Variants in ATR observed in about 807,000 individuals in gnomAD.
ATR encodes serine/threonine-protein kinase ATR.
A neutral mutation model predicts 305.3 loss-of-function variants in ATR; 142 were observed. The observed-to-expected ratio is 0.47, with a 90% CI of 0.41 to 0.53. The LOEUF (loss-of-function observed/expected upper bound fraction) is 0.53, where lower values mean the gene tolerates loss of function less well. ATR is among the 20% of genes least tolerant of loss of function. The probability of loss-of-function intolerance (pLI) is 0.00; values close to 1 mark genes in which losing one functional copy is unlikely to be tolerated. For missense variants in ATR, 2,135 were observed against 3,133.1 expected (o/e 0.68, Z 7.60); for synonymous variants, 1,050 against 1,068.1 (o/e 0.98, Z 0.33).
chr3:142,540,198 A>C (rs2033999593), intron 18 of ATR, among the ~76,000 whole-genome samples: 1 of 152,312 alleles, frequency 6.6e-6, no homozygotes, highest in East Asian at 1.9e-4. Context: ...TAAAATCTTA[A>C]CAGCCTAAAA....
rs376314540 is a variant in ATR at position 142,496,365 on chromosome 3, G to A, written c.5894C>T (p.Ser1965Phe). Residue 1965 changes from serine to phenylalanine, a missense_variant, in exon 34 of 47, where the codon TCC (serine) becomes TTC (phenylalanine). This residue lies in a region of ATR where 462 missense variants were observed against 887.6 expected (regional missense o/e 0.52). Transcript: ENST00000350721. ...TGACATTTCCCTGGCCATTACCTTG[G>A]ACCAGAGCCACTTTGCCCTTTCCAC... The part of the protein sequence containing the change: ...LYVERAKWLW[S>F]KGDVHQALIV... 1.3e-6 allele frequency: 2 copies of A among 1,500,582 alleles called. No homozygotes were observed. Among genetic ancestry groups the A allele is most frequent in the African/African-American group, 3.3e-5 (2 of 60,356 alleles). The allele number at this position is 1,500,582 out of a possible 1,614,324, so 93.0% of individuals were successfully genotyped here.
intron 30 of ATR, 193 bp from the exon 31 acceptor site, chr3:142,499,911 A>G (rs372748145): frequency 9.7e-6 from 5 of 516,904 alleles, no homozygotes; most frequent in South Asian, 4.8e-5. Context: ...TCCTTCAAAA[A>G]TATTTTTTCA....
At chr3:142,452,563 A>T in intron 46 of ATR, 1 of 617,884 alleles carries the variant, frequency 1.6e-6, no homozygotes, top group Non-Finnish European at 2.0e-6. Context: ...AATCCCAGCT[A>T]CTTGGGAGGC....
intron 30 of ATR, among the ~76,000 whole-genome samples, chr3:142,502,377 A>G (rs966018906): frequency 1.3e-5 from 2 of 150,912 alleles, no homozygotes; most frequent in Admixed American, 1.3e-4. Flanking sequence ...ATGGAATACT[A>G]TGCAGCTATA....
intron 23 of ATR, among the ~76,000 whole-genome samples, chr3:142,520,910 C>G (rs1266934502): frequency 6.6e-6 from 1 of 152,128 alleles, no homozygotes. Context: ...CCAGGACTTT[C>G]ACAGCTAGAG....
At chr3:142,560,602 C>G in intron 5 of ATR, 148 bp from the exon 6 acceptor site, 1 of 631,474 alleles carries the variant, frequency 1.6e-6, no homozygotes, top group East Asian at 3.1e-5. Flanking sequence ...ACTCTGTCTC[C>G]CAGGCTGGAG....
rs1414653416 is a variant in ATR at position 142,547,768 on chromosome 3, T to A, written c.3314A>T (p.Asp1105Val). ...GATATCTCTCGGGCCCTGATATGGATCATCACTGGATGCAAATGAGGCAAG... is the reference window on the plus strand; with the variant it reads ...GATATCTCTCGGGCCCTGATATGGAACATCACTGGATGCAAATGAGGCAAG... Reference protein sequence around the residue: ...SILASFASSDDPYQGPRDIIS... With the variant: ...SILASFASSDVPYQGPRDIIS... Residue 1105 changes from aspartate to valine, a missense_variant, in exon 16 of 47, where the codon GAT (aspartate) becomes GTT (valine). Physicochemically the swap from Asp to Val is radical, Grantham distance 152 (BLOSUM62 -3). Transcript: ENST00000350721. 1 of 1,613,950 alleles carries A rather than the reference T, an allele frequency of 6.2e-7. No homozygotes were observed. The highest frequency in any genetic ancestry group is 8.5e-7 in the Non-Finnish European group (1 of 1,179,916).
intron 21 of ATR, among the ~76,000 whole-genome samples, chr3:142,528,053 A>T (rs1186150898): frequency 6.6e-6 from 1 of 152,198 alleles, no homozygotes; most frequent in Non-Finnish European, 1.5e-5. Context: ...GCTGTGAGAC[A>T]ATAAATTTCT....
At chr3:142,559,190 G>A (rs2108478919) in intron 7 of ATR, 61 bp downstream of exon 7, 1 of 1,548,348 alleles carries the variant, frequency 6.5e-7, no homozygotes, top group Non-Finnish European at 8.9e-7. Flanking sequence ...AAAAAAGAAA[G>A]CATATTTCTA....
In ATR at chr3:142,459,283, C is replaced by T. The variant is rs773858387; in HGVS notation, c.7293G>A (p.Arg2431=). Residue 2431 remains arginine, a synonymous_variant, in exon 43 of 47, where the codon AGG becomes AGA. Transcript: ENST00000350721. ...ACCACTCATGAAAAATAGGAGGATGCCTGGGCAGGAGAAATTCTCGGAATA... is the reference window on the plus strand; with the variant it reads ...ACCACTCATGAAAAATAGGAGGATGTCTGGGCAGGAGAAATTCTCGGAATA... ...LKVFREFLLP[R]HPPIFHEWFL... 6.2e-7 allele frequency: 1 copy of T among 1,613,732 alleles called. No individual in the cohort carries two copies. Among genetic ancestry groups the T allele is most frequent in the African/African-American group, 1.3e-5 (1 of 74,874 alleles).
rs1330936787 is a variant in ATR at position 142,555,858 on chromosome 3, A to G, written c.2341+19T>C. 1 of 1,599,496 alleles carries G rather than the reference A, an allele frequency of 6.3e-7. No homozygotes were observed. The highest frequency in any genetic ancestry group is 8.5e-7 in the Non-Finnish European group (1 of 1,173,926). The stretch of plus-strand genomic sequence containing the variant: ...GCTTAAATAGGTTTTAAAGTATTAA[A>G]TAAGTCATAATCACTCACCAAGTTT... On this transcript the variant is annotated intron_variant, in intron 10 of 46. Coordinates refer to ENST00000350721, the MANE Select transcript of ATR (RefSeq NM_001184.4).
chr3:142,462,147 TTA>T, intron 41 of ATR, 57 bp from the exon 42 acceptor site: 1 of 1,472,582 alleles, frequency 6.8e-7, no homozygotes, highest in Non-Finnish European at 9.4e-7. Context: ...TTTCTAAATG[TTA>T]TATCAAATAT....
chr3:142,522,973 A>T, intron 22 of ATR, 132 bp from the exon 23 acceptor site: 1 of 736,376 alleles, frequency 1.4e-6, no homozygotes, highest in South Asian at 1.6e-5. Context: ...AAAGACAGTG[A>T]GGTTCAAACT....
rs1559992171 is a variant in ATR at position 142,556,467 on chromosome 3, T to C, written c.1994A>G (p.Glu665Gly). ...VYNWALQSSH[E>G]VIRASCVSGF... Reference sequence around the variant, plus strand: ...ACTAACACAACTAGCCCGGATTACTTCATGGGAGCTCTGCAGGGCCCAGTT... The same window carrying C: ...ACTAACACAACTAGCCCGGATTACTCCATGGGAGCTCTGCAGGGCCCAGTT... The change falls in exon 9 of 47, where the codon GAA (glutamate) becomes GGA (glycine). Residue 665 changes from glutamate to glycine, a missense_variant. Coordinates refer to ENST00000350721, the MANE Select transcript of ATR (RefSeq NM_001184.4). The C allele has an allele frequency of 1.2e-6, 2 of 1,614,118 alleles. No individual in the cohort carries two copies. The highest frequency in any genetic ancestry group is 1.7e-6 in the Non-Finnish European group (2 of 1,179,970).
intron 27 of ATR, among the ~76,000 whole-genome samples, chr3:142,508,869 A>G (rs1376822576): frequency 6.8e-6 from 1 of 147,526 alleles, no homozygotes; most frequent in Non-Finnish European, 1.5e-5. Flanking sequence ...GCTTGCAGTG[A>G]GCTGAGATCA....
chr3:142,523,534 G>C (rs974202567), intron 22 of ATR, among the ~76,000 whole-genome samples: 1 of 152,066 alleles, frequency 6.6e-6, no homozygotes, highest in African/African-American at 2.4e-5. Context: ...TATAACTCTT[G>C]GAGATATAGT....
rs1559918073 is a variant in ATR at position 142,474,914 on chromosome 3, T to TA, written c.6222-4732_6222-4731insT. Among the ~76,000 whole-genome samples, 138 of 151,986 alleles carry TA rather than the reference T, an allele frequency of 9.1e-4. 1 individual carries two copies. Among genetic ancestry groups the TA allele is most frequent in the East Asian group, 2.7e-3 (14 of 5,184 alleles). On this transcript the variant is annotated intron_variant, in intron 36 of 46. Transcript: ENST00000350721. Reference sequence around the variant, plus strand: ...CATTCCTTCTATACATATTTTTTTTTTAAAAAAAGTTTGTTTTTTTTTAAA... The same window carrying TA: ...CATTCCTTCTATACATATTTTTTTTTATAAAAAAAGTTTGTTTTTTTTTAAA...
intron 46 of ATR, 64 bp downstream of exon 46, chr3:142,453,064 G>A: frequency 6.2e-7 from 1 of 1,607,160 alleles, no homozygotes; most frequent in South Asian, 1.1e-5. Flanking sequence ...AACTATAGCT[G>A]CATATCAAGT....
intron 35 of ATR, among the ~76,000 whole-genome samples, chr3:142,491,359 G>A (rs753323217): frequency 6.6e-6 from 1 of 152,172 alleles, no homozygotes; most frequent in African/African-American, 2.4e-5. Flanking sequence ...AGGCCTTTAT[G>A]ACAGGAAATT....
Sources: gnomAD v4.1 joint callset for allele counts (sites outside exome capture counted in the v4.1 genomes callset) on GRCh38, gnomAD v4.1.1 for gene constraint, gnomAD v4.1.1 regional missense constraint, MANE v1.5 for transcripts, NCBI Gene and HGNC (gene_info 2026-07-23, HGNC 2026-07-21) for gene names.